CSRNP1: variants seen among roughly 807,000 people sequenced by gnomAD.
The protein encoded by CSRNP1 is cysteine and serine rich nuclear protein 1, also known as cysteine/serine-rich nuclear protein 1.
In CSRNP1, 8 loss-of-function variants were observed where a neutral mutation model predicts 25.0. The ratio of observed to expected loss-of-function variants is 0.32; its 90% confidence interval spans 0.19 to 0.58. The LOEUF is 0.58. CSRNP1 is among the 20% of genes least tolerant of loss of function. The probability of loss-of-function intolerance (pLI) is 0.88; values close to 1 mark genes in which losing one functional copy is unlikely to be tolerated. For missense variants in CSRNP1, 691 were observed against 773.1 expected (o/e 0.89, Z 1.26); for synonymous variants, 305 against 303.1 (o/e 1.01, Z -0.06).
At chr3:39,147,227 GTGTGTGTGTA>G (rs1473161559) in intron 1 of CSRNP1, among the ~76,000 whole-genome samples, 2 of 150,346 alleles carry the variant, frequency 1.3e-5, no homozygotes, top group African/African-American at 4.9e-5. Context: ...GTGTGTGTGT[GTGTGTGTGTA>G]TGTGTGTGTG....
At chr3:39,144,817 G>A (rs560042242) in intron 3 of CSRNP1, among the ~76,000 whole-genome samples, 180 bp downstream of exon 3, 8 of 151,864 alleles carry the variant, frequency 5.3e-5, no homozygotes, top group South Asian at 2.1e-4. Context: ...CCTCCTCTGC[G>A]CCTCCTGTTG....
At position 39,145,240 on chromosome 3, in the gene CSRNP1, C is replaced by T; in HGVS notation, c.222G>A (p.Lys74=). The T allele has an allele frequency of 1.3e-6, 2 of 1,599,430 alleles. No individual in the cohort carries two copies. The highest frequency in any genetic ancestry group is 2.2e-5 in the South Asian group (2 of 89,916). Residue 74 remains lysine (K), a synonymous_variant, in exon 3 of 5, where the codon AAG becomes AAA. Coordinates refer to ENST00000273153, the MANE Select transcript of CSRNP1 (RefSeq NM_033027.4). ...GGCCTGGGCGCTCCCGGCGAGCCCG[C>T]TTCAGGATAGACAGGGCTAGAAAGC... The part of the protein sequence containing the change: ...PRSFTPLSIL[K]RARRERPGRV...
chr3:39,153,516 G>T lies in CSRNP1; in HGVS notation c.-119C>A. 1 of 241,768 alleles carries T rather than the reference G, an allele frequency of 4.1e-6. No homozygotes were observed. Among genetic ancestry groups the T allele is most frequent in the Non-Finnish European group, 8.8e-6 (1 of 113,676 alleles). 15.0% of individuals were successfully genotyped at this position (241,768 alleles called of 1,614,324 possible). On this transcript the variant is annotated 5_prime_UTR_variant, in exon 1 of 5. Coordinates refer to ENST00000273153, the MANE Select transcript of CSRNP1 (RefSeq NM_033027.4). ...GACGCCCCCTGCGCCGCGACTCTGT[G>T]CGCTCGGCCCGGCAGCCGTCGGTCC... is the stretch of plus-strand genomic sequence containing the variant.
At chr3:39,150,021 A>T (rs1252282216) in intron 1 of CSRNP1, 2 of 152,178 alleles carry the variant, frequency 1.3e-5, no homozygotes, top group African/African-American at 4.8e-5. Context: ...ATAAGAAGTG[A>T]CACAAAAGAG....
At position 39,144,012 on chromosome 3, in the gene CSRNP1, G is replaced by A; in HGVS notation, c.813C>T (p.Cys271=). ...MDHTAFPCGC[C]REGCENPMGR... ...CCATGGGGTTCTCACAGCCCTCCCT[G>A]CAGCAGCCACAGGGGAATGCTGTGT... Residue 271 remains cysteine, a synonymous_variant, in exon 5 of 5, where the codon TGC becomes TGT. Coordinates refer to ENST00000273153, the MANE Select transcript of CSRNP1 (RefSeq NM_033027.4). 1 of 1,612,912 alleles carries A rather than the reference G, an allele frequency of 6.2e-7. No homozygotes were observed. Among genetic ancestry groups the A allele is most frequent in the Non-Finnish European group, 8.5e-7 (1 of 1,179,984 alleles).
In CSRNP1 at chr3:39,145,087, CAA is replaced by C; in HGVS notation, c.373_374del (p.Leu125GlyfsTer2). 1 of 1,614,266 alleles carries C rather than the reference CAA, an allele frequency of 6.2e-7. No individual in the cohort carries two copies. The highest frequency in any genetic ancestry group is 8.5e-7 in the Non-Finnish European group (1 of 1,180,046). On this transcript the variant is annotated frameshift_variant, in exon 3 of 5. Transcript: ENST00000273153. LOFTEE classifies it high-confidence loss of function. ...GGGCTTGCTCCTGCGCAAACTCAGCCAAAGAGAAGCGACGGCAAGCACTGTGG... is the reference window on the plus strand; with the variant it reads ...GGGCTTGCTCCTGCGCAAACTCAGCCAGAGAAGCGACGGCAAGCACTGTGG... The part of the protein sequence containing the change: ...LRHSACRRFS[L>X]AEFAQEQARA...
Position 39,143,130 on chromosome 3 carries a change from T to G in CSRNP1, c.1695A>C (p.Glu565Asp). ...GGCTGTCAATAAAGGGATCTAGGGC[T>G]TCGGCGGCTGGCTCGGAGAAGCCCA... Reference protein sequence around the residue: ...SLMGFSEPAAEALDPFIDSQF... With the variant: ...SLMGFSEPAADALDPFIDSQF... Residue 565 changes from glutamate (E) to aspartate (D), a missense_variant, in exon 5 of 5, where the codon GAA becomes GAC. Glu to Asp is a conservative substitution (Grantham distance 45). Coordinates refer to ENST00000273153, the MANE Select transcript of CSRNP1 (RefSeq NM_033027.4). 2 of 1,613,958 alleles carry G rather than the reference T, an allele frequency of 1.2e-6. No individual in the cohort carries two copies. Among genetic ancestry groups the G allele is most frequent in the Non-Finnish European group, 1.7e-6 (2 of 1,179,856 alleles).
rs200278599 is a variant in CSRNP1, at chr3:39,152,440, G to GT, written c.-41+997dup. Reference sequence around the variant, plus strand: ...CTGCCAGGGCCAGGAGAGATGACAGGTCAAGGGCATAGGAGAAAGGCAGAT... The same window carrying GT: ...CTGCCAGGGCCAGGAGAGATGACAGGTTCAAGGGCATAGGAGAAAGGCAGAT... On this transcript the variant is annotated intron_variant, in intron 1 of 4. Coordinates refer to ENST00000273153, the MANE Select transcript of CSRNP1 (RefSeq NM_033027.4). 818 of 153,090 alleles carry GT rather than the reference G, an allele frequency of 5.3e-3. 30 individuals are homozygous for GT. Among genetic ancestry groups the GT allele is most frequent in the Admixed American group, 0.044 (669 of 15,306 alleles). 9.5% of individuals were successfully genotyped at this position (153,090 alleles called of 1,614,324 possible). A position where few individuals can be genotyped will look rare whatever the true frequency, so the allele number is the denominator to read the frequency against.
intron 3 of CSRNP1, 133 bp downstream of exon 3, chr3:39,144,864 C>G (rs1440576193): frequency 1.8e-6 from 2 of 1,122,722 alleles, no homozygotes; most frequent in Non-Finnish European, 2.5e-6. Context: ...TCAAGCCAAT[C>G]ACCAGGCCCA....
Position 39,142,908 on chromosome 3 carries a change from A to G in CSRNP1, c.*147T>C. On this transcript the variant is annotated 3_prime_UTR_variant, in exon 5 of 5. Coordinates refer to ENST00000273153, the MANE Select transcript of CSRNP1 (RefSeq NM_033027.4). ...AAAGTTAAAACAAATAAATAAATCC[A>G]GAGAATTGTTTGAAAACCAGGAGTG... 1 of 912,256 alleles carries G rather than the reference A, an allele frequency of 1.1e-6. No individual in the cohort carries two copies. Among genetic ancestry groups the G allele is most frequent in the Non-Finnish European group, 1.6e-6 (1 of 611,722 alleles). 56.5% of individuals were successfully genotyped at this position (912,256 alleles called of 1,614,324 possible).
intron 1 of CSRNP1, chr3:39,149,794 C>A (rs1265980037): frequency 9.2e-5 from 14 of 152,336 alleles, no homozygotes; most frequent in Admixed American, 9.2e-4. Context: ...CTCTGCAAAG[C>A]TGGAACAACC....
chr3:39,143,135 C>T lies in CSRNP1; in HGVS notation c.1690G>A (p.Ala564Thr), dbSNP rs112383054. Residue 564 changes from alanine to threonine, a missense_variant, in exon 5 of 5, where the codon GCC becomes ACC. Transcript: ENST00000273153. Reference protein sequence around the residue: ...ESLMGFSEPAAEALDPFIDSQ... With the variant: ...ESLMGFSEPATEALDPFIDSQ... ...TCAATAAAGGGATCTAGGGCTTCGG[C>T]GGCTGGCTCGGAGAAGCCCATGAGG... 4.2e-5 allele frequency: 67 copies of T among 1,613,894 alleles called. No individual in the cohort carries two copies. The highest frequency in any genetic ancestry group is 2.7e-4 in the African/African-American group (20 of 75,042).
chr3:39,150,262 A>G (rs1352214165), intron 1 of CSRNP1: 1 of 152,274 alleles, frequency 6.6e-6, no homozygotes, highest in African/African-American at 2.4e-5. Flanking sequence ...ATCACAGACT[A>G]TATCTGATCA....
rs745818618 is a variant in CSRNP1, at chr3:39,144,368, GTCC to G, written c.546_548del (p.Glu182del). ...GGCCACCTGCCACAGCGACTGCCAA[GTCC>G]TCCTCCACAGAGGCGTCATCAATGG... On this transcript the variant is annotated inframe_deletion, in exon 4 of 5. Transcript: ENST00000273153. The G allele has an allele frequency of 3.7e-5, 60 of 1,613,962 alleles. No homozygotes were observed. Among genetic ancestry groups the G allele is most frequent in the Non-Finnish European group, 4.3e-5 (51 of 1,180,042 alleles).
Position 39,143,568 on chromosome 3 carries a change from G to A in CSRNP1, c.1257C>T (p.Asn419=). 7 of 1,614,200 alleles carry A rather than the reference G, an allele frequency of 4.3e-6. No homozygotes were observed. Among genetic ancestry groups the A allele is most frequent in the Non-Finnish European group, 5.1e-6 (6 of 1,180,038 alleles). Residue 419 remains asparagine, a synonymous_variant, in exon 5 of 5, where the codon AAC becomes AAT. Transcript: ENST00000273153. Reference sequence around the variant, plus strand: ...TGTCAGCTGGATGGAAGCAGCTGAGGTTGTCCAGGTTCCCCACGCTCCCTT... The same window carrying A: ...TGTCAGCTGGATGGAAGCAGCTGAGATTGTCCAGGTTCCCCACGCTCCCTT... ...EEEGSVGNLD[N]LSCFHPADIF...
chr3:39,143,161 G>T lies in CSRNP1; in HGVS notation c.1664C>A (p.Ser555Tyr). ...PGDASSCFLESLMGFSEPAAE... is the reference protein window; with the variant it reads ...PGDASSCFLEYLMGFSEPAAE... ...GGCTGGCTCGGAGAAGCCCATGAGG[G>T]ACTCCAGGAAGCAACTGCTGGCATC... Residue 555 changes from serine (S) to tyrosine (Y), a missense_variant, in exon 5 of 5, where the codon TCC (serine) becomes TAC (tyrosine). Transcript: ENST00000273153. 1 of 1,614,226 alleles carries T rather than the reference G, an allele frequency of 6.2e-7. No individual in the cohort carries two copies. The highest frequency in any genetic ancestry group is 8.5e-7 in the Non-Finnish European group (1 of 1,180,028).
intron 1 of CSRNP1, chr3:39,149,188 G>A (rs974843509): frequency 6.6e-6 from 1 of 151,792 alleles, no homozygotes; most frequent in Admixed American, 6.6e-5. Flanking sequence ...ACATCATGCT[G>A]AGTGAAAGAA....
rs2039485085 is a variant in CSRNP1 at position 39,145,016 on chromosome 3, A to G, written c.446T>C (p.Leu149Ser). ...CTCTACCTTCCACTGCAGCATCTCCAACTTCTCCTCTTTCAAGCGCTGGCG... is the reference window on the plus strand; with the variant it reads ...CTCTACCTTCCACTGCAGCATCTCCGACTTCTCCTCTTTCAAGCGCTGGCG... ...KLRQRLKEEK[L>S]EMLQWKLSAA... is the part of the protein sequence containing the mutation. Residue 149 changes from leucine (L) to serine (S), a missense_variant, in exon 3 of 5, where the codon TTG becomes TCG. Coordinates refer to ENST00000273153, the MANE Select transcript of CSRNP1 (RefSeq NM_033027.4). 6.2e-7 allele frequency: 1 copy of G among 1,611,012 alleles called. No homozygotes were observed. The highest frequency in any genetic ancestry group is 8.5e-7 in the Non-Finnish European group (1 of 1,177,710).
At position 39,150,711 on chromosome 3, in the gene CSRNP1, C is replaced by G. The variant is rs572979992; in HGVS notation, c.-41+2727G>C. The G allele has an allele frequency of 2.6e-5, 4 of 152,426 alleles. No homozygotes were observed. The East Asian group carries it at 7.7e-4, about 29-fold the overall frequency. 9.4% of individuals were successfully genotyped at this position (152,426 alleles called of 1,614,324 possible). A position where few individuals can be genotyped will look rare whatever the true frequency, so the allele number is the denominator to read the frequency against. On this transcript the variant is annotated intron_variant, in intron 1 of 4. Coordinates refer to ENST00000273153, the MANE Select transcript of CSRNP1 (RefSeq NM_033027.4). ...GAGAGAGATGTCAGGAAAGCAGGCTCAGATACGCACTGCGGCTCTGCCTAA... is the reference window on the plus strand; with the variant it reads ...GAGAGAGATGTCAGGAAAGCAGGCTGAGATACGCACTGCGGCTCTGCCTAA...
Sources: gnomAD v4.1 joint callset for allele counts (sites outside exome capture counted in the v4.1 genomes callset) on GRCh38, gnomAD v4.1.1 for gene constraint, MANE v1.5 for transcripts, NCBI Gene and HGNC (gene_info 2026-07-23, HGNC 2026-07-21) for gene names.